Variants in ROBO2 observed in about 807,000 individuals in gnomAD.
ROBO2 encodes roundabout guidance receptor 2, also known as roundabout homolog 2.
In ROBO2, 53 loss-of-function variants were observed where a neutral mutation model predicts 160.8. The observed-to-expected ratio is 0.33, with a 90% CI of 0.26 to 0.41. The LOEUF (loss-of-function observed/expected upper bound fraction) is 0.41, where lower values mean the gene tolerates loss of function less well. Ranked by LOEUF, ROBO2 falls within the 10% of genes least tolerant of loss-of-function variation. The pLI, the probability that ROBO2 is intolerant of heterozygous loss-of-function variation, is 1.00. For synonymous variants in ROBO2, 664 were observed against 611.7 expected, an observed-to-expected ratio of 1.09 and a Z score of -1.26; for missense variants, 1,577 against 1,722.4, an observed-to-expected ratio of 0.92 and a Z score of 1.49.
chr3:75,967,874 G>A (rs540473789), intron 2 of ROBO2, among the ~76,000 whole-genome samples: 3 of 151,514 alleles, frequency 2.0e-5, no homozygotes, highest in Admixed American at 6.6e-5. Flanking sequence ...CTAGGATGCC[G>A]TAACTGCCTT....
intron 2 of ROBO2, among the ~76,000 whole-genome samples, chr3:76,410,137 A>G (rs1167245713): frequency 1.3e-5 from 2 of 152,110 alleles, no homozygotes; most frequent in African/African-American, 4.8e-5. Context: ...ATTTGTAGGC[A>G]AAACAAAAAT....
In ROBO2 at chr3:77,498,786, A is replaced by G. The variant is rs193181442; in HGVS notation, c.806+5404A>G. ...AGGAGGCAATGGGCCTTCTTCACAT[A>G]CAGTGTATGCATCAAGGACATGGGA... On this transcript the variant is annotated intron_variant, in intron 5 of 25. Coordinates refer to ENST00000461745, the Ensembl canonical transcript of ROBO2. Among the ~76,000 whole-genome samples the G allele has an allele frequency of 2.6e-3, 390 of 152,252 alleles. 1 individual carries two copies. The highest frequency in any genetic ancestry group is 9.1e-3 in the African/African-American group (377 of 41,550).
rs550746932 is a variant in ROBO2, at chr3:77,416,403, C to G, written c.389-61011C>G. Among the ~76,000 whole-genome samples the G allele has an allele frequency of 2.3e-4, 35 of 152,244 alleles. 1 individual carries two copies. In the South Asian group the frequency reaches 7.3e-3, roughly 32 times the overall value. On this transcript the variant is annotated intron_variant, in intron 2 of 25. Coordinates refer to ENST00000461745, the Ensembl canonical transcript of ROBO2. Reference sequence around the variant, plus strand: ...GCTTGAGGTTGGATTTCACCAGAGACCTGTCCCTTTCTGCCCAGAAATTTA... The same window carrying G: ...GCTTGAGGTTGGATTTCACCAGAGAGCTGTCCCTTTCTGCCCAGAAATTTA...
At position 76,349,762 on chromosome 3, in the gene ROBO2, C is replaced by T. The variant is rs149327527; in HGVS notation, c.109+412160C>T. Among the ~76,000 whole-genome samples the T allele has an allele frequency of 5.7e-3, 866 of 152,116 alleles. 6 individuals carry two copies. The highest frequency in any genetic ancestry group is 0.02 in the African/African-American group (821 of 41,524). ...ACTCACAGCAATAGTAGTAGCAGGG[C>T]CATCATCATTTTTCTTGTGTCAGTG... On this transcript the variant is annotated intron_variant, in intron 2 of 26. Coordinates refer to the ROBO2 transcript ENST00000487694.
chr3:76,994,456 T>A (rs1431048652), intron 2 of ROBO2, among the ~76,000 whole-genome samples: 1 of 152,172 alleles, frequency 6.6e-6, no homozygotes, highest in Admixed American at 6.6e-5. Context: ...TTATAAGTGA[T>A]TTACTCTGAA....
intron 2 of ROBO2, among the ~76,000 whole-genome samples, chr3:76,558,959 C>A (rs1002635141): frequency 1.3e-5 from 2 of 152,026 alleles, no homozygotes; most frequent in African/African-American, 4.8e-5. Context: ...AGACTGTTAG[C>A]AAAATATATA....
At chr3:76,057,052 A>G (rs188556712) in intron 2 of ROBO2, among the ~76,000 whole-genome samples, 15 of 152,372 alleles carry the variant, frequency 9.8e-5, no homozygotes, top group Non-Finnish European at 1.8e-4. Context: ...TCTAAAGACC[A>G]GTTAGAAACA....
intron 2 of ROBO2, among the ~76,000 whole-genome samples, chr3:77,111,647 A>T (rs2073591581): frequency 6.6e-6 from 1 of 151,974 alleles, no homozygotes; most frequent in African/African-American, 2.4e-5. Flanking sequence ...GCAGTTTTTT[A>T]GTTTAAGGAT....
chr3:76,575,013 T>C (rs2085199403), intron 2 of ROBO2, among the ~76,000 whole-genome samples: 1 of 152,176 alleles, frequency 6.6e-6, no homozygotes, highest in Admixed American at 6.5e-5. Context: ...TTTCTATTTC[T>C]TGCTCAGTGA....
At chr3:76,905,965 G>C (rs1465738306) in intron 2 of ROBO2, among the ~76,000 whole-genome samples, 1 of 152,050 alleles carries the variant, frequency 6.6e-6, no homozygotes, top group Non-Finnish European at 1.5e-5. Flanking sequence ...GGATAGTTTT[G>C]AAGACAAGTA....
chr3:76,825,603 CAA>C (rs201063990), intron 2 of ROBO2, among the ~76,000 whole-genome samples: 19 of 72,488 alleles, frequency 2.6e-4, no homozygotes, highest in African/African-American at 1.1e-3. Flanking sequence ...TCATCTTAGC[CAA>C]AAAAAAAAAA....
intron 2 of ROBO2, among the ~76,000 whole-genome samples, chr3:77,242,123 C>A (rs181785775): frequency 9.2e-4 from 140 of 152,230 alleles, no homozygotes; most frequent in African/African-American, 3.3e-3. Context: ...TTATGGATTG[C>A]AGCTGGCAGG....
At chr3:76,080,662 AT>A (rs1229294485) in intron 2 of ROBO2, among the ~76,000 whole-genome samples, 2 of 152,210 alleles carry the variant, frequency 1.3e-5, no homozygotes, top group African/African-American at 4.8e-5. Flanking sequence ...GCATTTTAAA[AT>A]TAGATGTCAG....
chr3:76,648,537 T>C (rs114229789), intron 2 of ROBO2, among the ~76,000 whole-genome samples: 133 of 152,214 alleles, frequency 8.7e-4, no homozygotes, highest in Non-Finnish European at 1.6e-3. Context: ...ATTATATCAA[T>C]TCTAAATATT....
At chr3:77,537,913 G>C (rs1004943491) in intron 6 of ROBO2, among the ~76,000 whole-genome samples, 1 of 151,950 alleles carries the variant, frequency 6.6e-6, no homozygotes, top group Non-Finnish European at 1.5e-5. Context: ...CCTCCCACCG[G>C]GTCCCTCCCA....
At chr3:76,835,497 G>T (rs1242484728) in intron 2 of ROBO2, among the ~76,000 whole-genome samples, 3 of 148,508 alleles carry the variant, frequency 2.0e-5, no homozygotes, top group Non-Finnish European at 3.0e-5. Context: ...ATAAATCATA[G>T]GCAAAGACTA....
intron 2 of ROBO2, among the ~76,000 whole-genome samples, chr3:76,829,920 G>A (rs773805486): frequency 2.0e-5 from 3 of 152,036 alleles, no homozygotes; most frequent in Admixed American, 1.3e-4. Context: ...CACTCGCCTC[G>A]GCCTCCCCAA....
chr3:76,729,671 T>C (rs967537296), intron 2 of ROBO2, among the ~76,000 whole-genome samples: 1 of 149,586 alleles, frequency 6.7e-6, no homozygotes, highest in Non-Finnish European at 1.5e-5. Flanking sequence ...AGTGTCTCAC[T>C]CTGTTGCCCA....
chr3:77,035,434 T>C (rs930448999), upstream of ROBO2, among the ~76,000 whole-genome samples: 2 of 151,864 alleles, frequency 1.3e-5, no homozygotes, highest in Non-Finnish European at 3.0e-5. Flanking sequence ...TCAAGATAAA[T>C]AATGATTTTC....
Sources: allele counts gnomAD v4.1 joint callset (sites outside exome capture counted in the v4.1 genomes callset), GRCh38; gene constraint gnomAD v4.1.1; transcripts MANE v1.5; gene names NCBI Gene and HGNC (gene_info 2026-07-23, HGNC 2026-07-21).